Variants in PLCZ1 observed in about 807,000 individuals in gnomAD.
PLCZ1 encodes 1-phosphatidylinositol 4,5-bisphosphate phosphodiesterase zeta-1.
Under a neutral mutation model 76.8 loss-of-function variants are expected in PLCZ1, and 64 were observed. That is an observed-to-expected ratio of 0.83 (90% CI 0.68 to 1.03). The LOEUF (loss-of-function observed/expected upper bound fraction) is 1.03, where lower values mean the gene tolerates loss of function less well. Among genes scored for constraint, PLCZ1 ranks in the 50% least tolerant of loss-of-function variants. The probability of loss-of-function intolerance (pLI) is 0.00; values close to 1 mark genes in which losing one functional copy is unlikely to be tolerated. For missense variants in PLCZ1, 751 were observed against 713.7 expected, an observed-to-expected ratio of 1.05 and a Z score of -0.60; for synonymous variants, 248 against 230.8, an observed-to-expected ratio of 1.07 and a Z score of -0.68.
chr12:18,734,880 T>C (rs190886129), intron 3 of PLCZ1, among the ~76,000 whole-genome samples: 1 of 152,376 alleles, frequency 6.6e-6, no homozygotes, highest in African/African-American at 2.4e-5. Flanking sequence ...GTTTATTTTA[T>C]ATGATATTAG....
the PLCZ1 span, among the ~76,000 whole-genome samples, chr12:18,674,220 C>T: frequency 4.5e-3 from 680 of 152,228 alleles, 4 homozygotes; most frequent in African/African-American, 0.015. Context: ...AAATATAAGC[C>T]ACATATATTA....
chr12:18,736,805 T>G, intron 2 of PLCZ1: 1 of 592,682 alleles, frequency 1.7e-6, no homozygotes, highest in Non-Finnish European at 2.8e-6. Flanking sequence ...ACACAGTTTC[T>G]GCTACTTAGT....
the PLCZ1 span, among the ~76,000 whole-genome samples, chr12:18,653,931 G>A: frequency 6.6e-6 from 1 of 152,076 alleles, no homozygotes; most frequent in Non-Finnish European, 1.5e-5. Flanking sequence ...GACTATACCT[G>A]TCAGCCTTCT....
chr12:18,721,260 A>C (rs1233839526), intron 4 of PLCZ1, among the ~76,000 whole-genome samples: 1 of 152,098 alleles, frequency 6.6e-6, no homozygotes, highest in African/African-American at 2.4e-5. Flanking sequence ...TGGATTTTTA[A>C]AAACCTCATT....
chr12:18,729,937 T>C (rs1301915972), intron 3 of PLCZ1, among the ~76,000 whole-genome samples: 1 of 152,140 alleles, frequency 6.6e-6, no homozygotes. Context: ...TGTAATTCAA[T>C]TGTGTATACT....
intron 3 of PLCZ1, among the ~76,000 whole-genome samples, chr12:18,730,572 A>G (rs572431598): frequency 1.3e-5 from 2 of 152,234 alleles, no homozygotes; most frequent in East Asian, 3.9e-4. Context: ...TTAATATTAT[A>G]TTAATAGCCA....
chr12:18,693,460 T>C, intron 12 of PLCZ1: 2 of 1,606,460 alleles, frequency 1.2e-6, no homozygotes, highest in Non-Finnish European at 1.7e-6. Flanking sequence ...GTGGTCCACC[T>C]GGCACAGGTA....
the PLCZ1 span, among the ~76,000 whole-genome samples, chr12:18,674,788 G>A: frequency 2.0e-5 from 3 of 152,098 alleles, no homozygotes; most frequent in Admixed American, 6.6e-5. Context: ...GTTGAAAGTG[G>A]TATGGTATGA....
chr12:18,661,730 G>C, the PLCZ1 span, among the ~76,000 whole-genome samples: 2,660 of 152,208 alleles, frequency 0.017, 41 homozygotes, highest in Middle Eastern at 0.048. Flanking sequence ...GTGGAAAGCA[G>C]TTTGGTGATT....
chr12:18,717,813 T>C (rs1053472001), intron 5 of PLCZ1, among the ~76,000 whole-genome samples: 1 of 152,186 alleles, frequency 6.6e-6, no homozygotes, highest in African/African-American at 2.4e-5. Context: ...GTCCCCAACA[T>C]ATGATGGTTC....
the PLCZ1 span, among the ~76,000 whole-genome samples, chr12:18,669,104 T>C: frequency 3.3e-5 from 5 of 152,316 alleles, no homozygotes; most frequent in South Asian, 8.3e-4. Flanking sequence ...CCAAATTCTT[T>C]ATAAACAACA....
intron 5 of PLCZ1, among the ~76,000 whole-genome samples, chr12:18,718,139 G>T (rs1396600785): frequency 6.6e-6 from 1 of 152,090 alleles, no homozygotes. Flanking sequence ...ATAATGTTTG[G>T]TAGATTAGAT....
rs761927462 is a variant in PLCZ1 at position 18,696,267 on chromosome 12, C to T, written c.1175-1G>A. The T allele has an allele frequency of 6.9e-7, 1 of 1,442,736 alleles. No homozygotes were observed. Among genetic ancestry groups the T allele is most frequent in the Non-Finnish European group, 9.6e-7 (1 of 1,045,376 alleles). The allele number at this position is 1,442,736 out of a possible 1,614,324, so 89.4% of individuals were successfully genotyped here. ...CTGGTGTGAAAAATAAACTCATGGA[C>T]TGAAAAAGAATAATTAAAACATTGT... On this transcript the variant is annotated splice_acceptor_variant, in intron 10 of 14. Transcript: ENST00000266505. LOFTEE classifies it high-confidence loss of function.
the PLCZ1 span, among the ~76,000 whole-genome samples, chr12:18,672,309 C>T: frequency 6.6e-6 from 1 of 151,976 alleles, no homozygotes; most frequent in African/African-American, 2.4e-5. Context: ...GTCGTCATTG[C>T]TCATCTAGAA....
At chr12:18,731,322 A>G (rs1437541918) in intron 3 of PLCZ1, among the ~76,000 whole-genome samples, 1 of 152,022 alleles carries the variant, frequency 6.6e-6, no homozygotes, top group Non-Finnish European at 1.5e-5. Flanking sequence ...TCCTATAATA[A>G]TGATGACAGC....
the PLCZ1 span, among the ~76,000 whole-genome samples, chr12:18,656,157 A>C: frequency 6.6e-6 from 1 of 152,212 alleles, no homozygotes; most frequent in South Asian, 2.1e-4. Flanking sequence ...TGCTGGGCAC[A>C]GTGGCTCACA....
the PLCZ1 span, among the ~76,000 whole-genome samples, chr12:18,668,814 T>G: frequency 2.0e-5 from 3 of 152,192 alleles, no homozygotes; most frequent in Non-Finnish European, 4.4e-5. Flanking sequence ...CTCTGATACA[T>G]ATCTACTCAT....
chr12:18,695,683 C>G (rs192668330), intron 11 of PLCZ1, among the ~76,000 whole-genome samples: 144 of 152,110 alleles, frequency 9.5e-4, no homozygotes, highest in Admixed American at 2.0e-3. Context: ...TAGTGCAGTG[C>G]TGTACTAGCT....
the PLCZ1 span, among the ~76,000 whole-genome samples, chr12:18,654,658 T>C: frequency 1.3e-5 from 2 of 152,174 alleles, no homozygotes; most frequent in Non-Finnish European, 1.5e-5. Flanking sequence ...AGAGGACTTA[T>C]TAAAGGGAAA....
Sources: gnomAD v4.1 joint callset for allele counts (sites outside exome capture counted in the v4.1 genomes callset) on GRCh38, gnomAD v4.1.1 for gene constraint, MANE v1.5 for transcripts, NCBI Gene and HGNC (gene_info 2026-07-23, HGNC 2026-07-21) for gene names.